Variants in EYS observed in about 807,000 individuals in gnomAD.
The protein encoded by EYS is protein eyes shut homolog.
EYS carries 250 observed loss-of-function variants against 282.1 expected under a neutral mutation model. The observed-to-expected ratio is 0.89, with a 90% CI of 0.80 to 0.98. The LOEUF is 0.98. Among genes scored for constraint, EYS ranks in the 50% least tolerant of loss-of-function variants. The probability of loss-of-function intolerance (pLI) is 0.00; values close to 1 mark genes in which losing one functional copy is unlikely to be tolerated. For synonymous variants in EYS, 1,355 were observed against 1,282.9 expected (o/e 1.06, Z -1.20); for missense variants, 4,016 against 3,709.0 (o/e 1.08, Z -2.15).
intron 24 of EYS, among the ~76,000 whole-genome samples, chr6:64,603,291 C>T (rs994561873): frequency 6.6e-6 from 1 of 151,920 alleles, no homozygotes; most frequent in Non-Finnish European, 1.5e-5. Context: ...CTTTCTTATC[C>T]TACTGCTGCT....
In EYS at chr6:64,241,657, TTGTG is replaced by T. The variant is rs367952253; in HGVS notation, c.6192-10837_6192-10834del. ...GGATTCATTGATTTTTTGAAGGTTT[TTGTG>T]TGTGTGTGTGTGTGTGTGTGTCTCT... On this transcript the variant is annotated intron_variant, in intron 30 of 42. Coordinates refer to ENST00000503581, the MANE Select transcript of EYS (RefSeq NM_001142800.2). 8.9e-3 allele frequency among the ~76,000 whole-genome samples: 1,323 copies of T among 149,244 alleles called. 13 individuals carry two copies. The highest frequency in any genetic ancestry group is 0.03 in the African/African-American group (1,232 of 40,754).
intron 36 of EYS, among the ~76,000 whole-genome samples, chr6:63,811,959 A>G (rs557907634): frequency 1.3e-5 from 2 of 152,312 alleles, no homozygotes; most frequent in South Asian, 4.1e-4. Context: ...TCAACGTTCA[A>G]TGCACTGTTC....
At chr6:64,463,101 C>T (rs1490841014) in intron 26 of EYS, among the ~76,000 whole-genome samples, 6 of 152,018 alleles carry the variant, frequency 3.9e-5, no homozygotes, top group Non-Finnish European at 8.8e-5. Context: ...TGCCCGCCAC[C>T]ACGCCCGGCT....
chr6:64,747,812 G>A (rs1387167585), intron 22 of EYS, among the ~76,000 whole-genome samples: 2 of 152,190 alleles, frequency 1.3e-5, no homozygotes, highest in African/African-American at 4.8e-5. Flanking sequence ...TTTAGGGTTT[G>A]TGCACAGAAT....
chr6:64,791,856 C>T (rs575893416), intron 22 of EYS, among the ~76,000 whole-genome samples: 2 of 151,818 alleles, frequency 1.3e-5, no homozygotes, highest in South Asian at 4.1e-4. Flanking sequence ...TGGCATTAAT[C>T]GTATATATTT....
chr6:64,306,090 G>T (rs186182073), intron 30 of EYS, among the ~76,000 whole-genome samples: 1 of 152,004 alleles, frequency 6.6e-6, no homozygotes, highest in African/African-American at 2.4e-5. Flanking sequence ...CTCAAGAGAA[G>T]ATATACAAAC....
intron 35 of EYS, among the ~76,000 whole-genome samples, chr6:63,919,204 C>T (rs143867110): frequency 5.1e-4 from 77 of 151,214 alleles, no homozygotes; most frequent in African/African-American, 1.8e-3. Flanking sequence ...CAGGTATTGA[C>T]AGGCTGGATG....
intron 22 of EYS, among the ~76,000 whole-genome samples, chr6:64,686,787 A>ATATG (rs1263403462): frequency 3.1e-4 from 4 of 12,980 alleles, no homozygotes; most frequent in African/African-American, 5.2e-4. Context: ...ATATATATAT[A>ATATG]TGTGTGTATA....
At chr6:65,123,701 G>A (rs774213830) in intron 12 of EYS, among the ~76,000 whole-genome samples, 1 of 151,618 alleles carries the variant, frequency 6.6e-6, no homozygotes, top group African/African-American at 2.4e-5. Context: ...CTTCCAATTG[G>A]TGGCTATTTC....
chr6:65,244,203 GTATT>G (rs1473444510), intron 12 of EYS, among the ~76,000 whole-genome samples: 2 of 152,110 alleles, frequency 1.3e-5, no homozygotes, highest in African/African-American at 4.8e-5. Flanking sequence ...TTTGTGAATA[GTATT>G]TATTAGAAGA....
intron 12 of EYS, among the ~76,000 whole-genome samples, chr6:65,099,344 A>T (rs1299912786): frequency 6.6e-6 from 1 of 150,792 alleles, no homozygotes; most frequent in Non-Finnish European, 1.5e-5. Flanking sequence ...AATAAAATAA[A>T]AATGTCATCA....
chr6:64,978,077 A>C (rs1262104683), intron 14 of EYS, among the ~76,000 whole-genome samples: 1 of 152,002 alleles, frequency 6.6e-6, no homozygotes, highest in Non-Finnish European at 1.5e-5. Context: ...ACACTAAACA[A>C]CACATTTCCA....
At chr6:64,836,326 T>C (rs1197799829) in intron 19 of EYS, among the ~76,000 whole-genome samples, 1 of 150,956 alleles carries the variant, frequency 6.6e-6, no homozygotes, top group Non-Finnish European at 1.5e-5. Flanking sequence ...TATAAATATA[T>C]GGCAATGTAT....
chr6:65,238,540 T>G (rs1256221960), intron 12 of EYS, among the ~76,000 whole-genome samples: 1 of 151,948 alleles, frequency 6.6e-6, no homozygotes, highest in African/African-American at 2.4e-5. Context: ...GTTAATGCCT[T>G]TTCTATTCTT....
At chr6:65,499,467 C>T (rs1407851341) in intron 2 of EYS, among the ~76,000 whole-genome samples, 2 of 151,946 alleles carry the variant, frequency 1.3e-5, no homozygotes, top group Admixed American at 1.3e-4. Context: ...ATTCTACATA[C>T]CTGATATTTT....
chr6:63,811,002 G>A (rs1771033209), intron 36 of EYS, among the ~76,000 whole-genome samples: 1 of 152,078 alleles, frequency 6.6e-6, no homozygotes, highest in Admixed American at 6.5e-5. Context: ...CTCTGCCCGG[G>A]TATTTCATCC....
At chr6:65,252,991 T>C (rs747095273) in intron 12 of EYS, among the ~76,000 whole-genome samples, 29 of 151,910 alleles carry the variant, frequency 1.9e-4, no homozygotes, top group Non-Finnish European at 3.4e-4. Context: ...GAGACATCCC[T>C]GTACCAAGAA....
At chr6:64,714,247 T>G (rs948763220) in intron 22 of EYS, among the ~76,000 whole-genome samples, 3 of 152,162 alleles carry the variant, frequency 2.0e-5, no homozygotes, top group Non-Finnish European at 4.4e-5. Context: ...TGTTTTGGGC[T>G]TGAGTAACTG....
chr6:65,279,497 A>C (rs1197711100), intron 12 of EYS, among the ~76,000 whole-genome samples: 1 of 152,164 alleles, frequency 6.6e-6, no homozygotes, highest in African/African-American at 2.4e-5. Context: ...AGTCTTCTCC[A>C]GTAAAATTTT....
Sources: allele counts gnomAD v4.1 joint callset (sites outside exome capture counted in the v4.1 genomes callset), GRCh38; gene constraint gnomAD v4.1.1; transcripts MANE v1.5; gene names NCBI Gene and HGNC (gene_info 2026-07-23, HGNC 2026-07-21).